DSG2: variants seen among roughly 807,000 people sequenced by gnomAD.
The protein encoded by DSG2 is desmoglein-2.
Under a neutral mutation model 75.6 loss-of-function variants are expected in DSG2, and 45 were observed. That is an observed-to-expected ratio of 0.60 (90% CI 0.47 to 0.76). The LOEUF (loss-of-function observed/expected upper bound fraction) is 0.76, where lower values mean the gene tolerates loss of function less well. Ranked by LOEUF, DSG2 falls within the 30% of genes least tolerant of loss-of-function variation. The pLI is 0.00. For missense variants in DSG2, 1,267 were observed against 1,357.4 expected, an observed-to-expected ratio of 0.93 and a Z score of 1.05; for synonymous variants, 429 against 483.9, an observed-to-expected ratio of 0.89 and a Z score of 1.49.
At chr18:31,501,802 A>G (rs2073015185) in intron 1 of DSG2, among the ~76,000 whole-genome samples, 1 of 152,236 alleles carries the variant, frequency 6.6e-6, no homozygotes, top group Non-Finnish European at 1.5e-5. Flanking sequence ...ATAAGCTCAC[A>G]TTCTGAGGTA....
intron 1 of DSG2, among the ~76,000 whole-genome samples, chr18:31,508,113 A>G (rs1401958898): frequency 1.3e-5 from 2 of 152,162 alleles, no homozygotes; most frequent in African/African-American, 4.8e-5. Context: ...ATAAAGTGTA[A>G]GGAAGGGGTC....
chr18:31,531,326 A>G (rs1402759608), intron 9 of DSG2, 74 bp downstream of exon 9: 3 of 1,521,924 alleles, frequency 2.0e-6, no homozygotes, highest in Non-Finnish European at 2.7e-6. Flanking sequence ...TCATAATCAA[A>G]TCTGAACACT....
At chr18:31,530,036 C>A (rs2073185015) in intron 8 of DSG2, among the ~76,000 whole-genome samples, 1 of 151,960 alleles carries the variant, frequency 6.6e-6, no homozygotes, top group African/African-American at 2.4e-5. Flanking sequence ...CAGTAATGAA[C>A]TGATTATTTC....
chr18:31,498,351 G>A, intron 1 of DSG2, 55 bp downstream of exon 1: 6 of 1,248,334 alleles, frequency 4.8e-6, no homozygotes, highest in Non-Finnish European at 5.1e-6. Context: ...GTCGGTAGGC[G>A]AGGTCTAGAC....
chr18:31,525,395 T>C (rs1410593194), intron 8 of DSG2, among the ~76,000 whole-genome samples: 1 of 152,034 alleles, frequency 6.6e-6, no homozygotes, highest in African/African-American at 2.4e-5. Context: ...GGCACATGCC[T>C]GTAGTCCCAG....
At chr18:31,530,801 G>C (rs1485659655) in intron 8 of DSG2, among the ~76,000 whole-genome samples, 186 bp from the exon 9 acceptor site, 2 of 152,094 alleles carry the variant, frequency 1.3e-5, no homozygotes, top group Non-Finnish European at 2.9e-5. Context: ...TAACATTTAT[G>C]ACTATCCAGA....
At position 31,540,812 on chromosome 18, in the gene DSG2, C is replaced by T. The variant is rs8092819; in HGVS notation, c.1880-381C>T. Among the ~76,000 whole-genome samples the T allele has an allele frequency of 4.2e-3, 638 of 152,178 alleles. 3 individuals carry two copies. Among genetic ancestry groups the T allele is most frequent in the African/African-American group, 0.015 (618 of 41,492 alleles). ...CTTTATTATTTCTAATTACTGTTTT[C>T]AATAGTACATATATTTTTGCAACAG... On this transcript the variant is annotated intron_variant, in intron 12 of 14. Coordinates refer to ENST00000261590, the MANE Select transcript of DSG2 (RefSeq NM_001943.5).
At chr18:31,509,262 A>G (rs945398452) in intron 1 of DSG2, among the ~76,000 whole-genome samples, 1 of 152,206 alleles carries the variant, frequency 6.6e-6, no homozygotes, top group Non-Finnish European at 1.5e-5. Flanking sequence ...ACTAACTTCA[A>G]TATGACTCAC....
chr18:31,513,384 G>A (rs2073077185), intron 1 of DSG2, among the ~76,000 whole-genome samples: 1 of 152,184 alleles, frequency 6.6e-6, no homozygotes, highest in South Asian at 2.1e-4. Context: ...CTTCTAATCA[G>A]TGAGGAGAAT....
In DSG2 at chr18:31,546,094, C is replaced by A. The variant is rs34065672; in HGVS notation, c.2708C>A (p.Thr903Asn). 1 of 1,614,204 alleles carries A rather than the reference C, an allele frequency of 6.2e-7. No individual in the cohort carries two copies. Among genetic ancestry groups the A allele is most frequent in the African/African-American group, 1.3e-5 (1 of 75,054 alleles). Residue 903 changes from threonine to asparagine, a missense_variant, in exon 15 of 15, where the codon ACT (threonine) becomes AAT (asparagine). Transcript: ENST00000261590. The part of the protein sequence containing the change: ...SLQEANAEKV[T>N]QEIVTERSVS... ...CAAGAAGCCAATGCAGAGAAAGTAA[C>A]TCAGGAAATAGTCACTGAAAGATCT...
At chr18:31,518,534 C>A (rs964840075) in intron 2 of DSG2, among the ~76,000 whole-genome samples, 2 of 152,038 alleles carry the variant, frequency 1.3e-5, no homozygotes, top group African/African-American at 4.8e-5. Flanking sequence ...GAATGAAAAT[C>A]GGGGCAAAAT....
At chr18:31,544,817 G>T (rs2073294032) in intron 14 of DSG2, among the ~76,000 whole-genome samples, 1 of 152,156 alleles carries the variant, frequency 6.6e-6, no homozygotes, top group Admixed American at 6.5e-5. Context: ...AAGGCCCTGT[G>T]CTCCCATGAG....
intron 1 of DSG2, among the ~76,000 whole-genome samples, chr18:31,512,222 T>C (rs963462282): frequency 3.3e-5 from 5 of 152,066 alleles, no homozygotes; most frequent in African/African-American, 1.2e-4. Context: ...GCTTACCCCA[T>C]CCCTCTCCCC....
In DSG2 at chr18:31,546,498, A is replaced by G. The variant is rs774113529; in HGVS notation, c.3112A>G (p.Ile1038Val). 11 of 1,614,200 alleles carry G rather than the reference A, an allele frequency of 6.8e-6. No homozygotes were observed. In the East Asian group the frequency reaches 8.9e-5, roughly 13 times the overall value. Residue 1038 changes from isoleucine (I) to valine (V), a missense_variant, in exon 15 of 15, where the codon ATA becomes GTA. Coordinates refer to ENST00000261590, the MANE Select transcript of DSG2 (RefSeq NM_001943.5). ...GVQPTLAMPNIAVGQNVTVTE... is the reference protein window; with the variant it reads ...GVQPTLAMPNVAVGQNVTVTE... Reference sequence around the variant, plus strand: ...GCAGCCTACTCTGGCCATGCCTAATATAGCAGTAGGACAGAATGTGACAGT... The same window carrying G: ...GCAGCCTACTCTGGCCATGCCTAATGTAGCAGTAGGACAGAATGTGACAGT...
In DSG2 at chr18:31,536,360, C is replaced by G. The variant is rs746047358; in HGVS notation, c.1582C>G (p.Pro528Ala). Residue 528 changes from proline to alanine, a missense_variant, in exon 11 of 15, where the codon CCT (proline) becomes GCT (alanine). By Grantham distance (27) the Pro-to-Ala change is conservative. Transcript: ENST00000261590. ...EDLDGHPNSG[P>A]FSFSVIDKPP... ...CCTGGATGGACACCCAAACAGTGGC[C>G]CTTTCAGTTTCTCCGTCATTGACAA... 6.2e-7 allele frequency: 1 copy of G among 1,614,044 alleles called. No homozygotes were observed. The highest frequency in any genetic ancestry group is 1.1e-5 in the South Asian group (1 of 91,074).
At chr18:31,544,069 A>T (rs941613022) in intron 14 of DSG2, among the ~76,000 whole-genome samples, 6 of 152,198 alleles carry the variant, frequency 3.9e-5, no homozygotes, top group Non-Finnish European at 7.3e-5. Flanking sequence ...AGACAAATTC[A>T]TAATGATAGT....
At chr18:31,523,094 G>A (rs998417044) in intron 6 of DSG2, among the ~76,000 whole-genome samples, 2 of 152,154 alleles carry the variant, frequency 1.3e-5, no homozygotes, top group African/African-American at 4.8e-5. Context: ...AGTGCACTAC[G>A]TTCAGTATTT....
At chr18:31,499,465 GGGCGTCCA>G (rs1317625548) in intron 1 of DSG2, among the ~76,000 whole-genome samples, 1 of 152,048 alleles carries the variant, frequency 6.6e-6, no homozygotes, top group Non-Finnish European at 1.5e-5. Context: ...ATGATAATTA[GGGCGTCCA>G]GGCCTAGCAC....
In DSG2 at chr18:31,538,740, C is replaced by T. The variant is rs757646553; in HGVS notation, c.1652-11C>T. 2 of 1,612,432 alleles carry T rather than the reference C, an allele frequency of 1.2e-6. No homozygotes were observed. Among genetic ancestry groups the T allele is most frequent in the East Asian group, 4.5e-5 (2 of 44,864 alleles). ...TTCGTTTTTATTTCCTTCTGCCTCC[C>T]AACCTTGTAGGTACCAGTGTGCTGC... On this transcript the variant is annotated splice_polypyrimidine_tract_variant and intron_variant, in intron 11 of 14. Transcript: ENST00000261590.
Sources: gnomAD v4.1 joint callset for allele counts (sites outside exome capture counted in the v4.1 genomes callset) on GRCh38, gnomAD v4.1.1 for gene constraint, MANE v1.5 for transcripts, NCBI Gene and HGNC (gene_info 2026-07-23, HGNC 2026-07-21) for gene names.